The following LNPEP variants were observed in gnomAD, a reference collection of about 807,000 sequenced individuals.
LNPEP encodes the protein leucyl-cystinyl aminopeptidase.
In LNPEP, 64 loss-of-function variants were observed where a neutral mutation model predicts 120.6. That is an observed-to-expected ratio of 0.53 (90% confidence interval 0.43 to 0.65). The LOEUF (loss-of-function observed/expected upper bound fraction) is 0.65, where lower values mean the gene tolerates loss of function less well. Among genes scored for constraint, LNPEP ranks in the 30% least tolerant of loss-of-function variants. LNPEP has a pLI of 0.00. For missense variants in LNPEP, 1,057 were observed against 1,200.0 expected (o/e 0.88, Z 1.76); for synonymous variants, 435 against 425.4 (o/e 1.02, Z -0.28).
Position 97,028,521 on chromosome 5 carries a change from A to T in LNPEP, c.3066A>T (p.Thr1022=), listed in dbSNP as rs780948363. The T allele has an allele frequency of 1.2e-6, 2 of 1,613,718 alleles. No homozygotes were observed. The highest frequency in any genetic ancestry group is 1.3e-5 in the African/African-American group (1 of 74,934). ...TGGAGAAGAACCTCAAAAGTCTCAC[A>T]TGGTGGCTGTAGCATGCACAACCGC... ...QWMEKNLKSL[T]WWL The change falls in exon 18 of 18, where the codon ACA becomes ACT. Residue 1022 remains threonine (T), a synonymous_variant. Coordinates refer to ENST00000231368, the MANE Select transcript of LNPEP (RefSeq NM_005575.3).
rs374951180 is a variant in LNPEP at position 97,003,209 on chromosome 5, T to C, written c.1654-206T>C. Among the ~76,000 whole-genome samples, 3 of 152,346 alleles carry C rather than the reference T, an allele frequency of 2.0e-5. No homozygotes were observed. The East Asian group carries it at 5.8e-4, about 29-fold the overall frequency. Reference sequence around the variant, plus strand: ...GTGCACATGGGAATCTACTCATTAATTCTTTTTCAAATCCTTTAAAATAAT... The same window carrying C: ...GTGCACATGGGAATCTACTCATTAACTCTTTTTCAAATCCTTTAAAATAAT... On this transcript the variant is annotated intron_variant, in intron 8 of 17. Transcript: ENST00000231368.
chr5:96,954,768 A>ATTTTTTTTTTTTTTTTTTTTTTTTT (rs1581981619), intron 1 of LNPEP, among the ~76,000 whole-genome samples: 1 of 36,096 alleles, frequency 2.8e-5, no homozygotes, highest in Non-Finnish European at 6.1e-5. Context: ...ATATATATAT[A>ATTTTTTTTTTTTTTTTTTTTTTTTT]TATATTTTTT....
In LNPEP at chr5:97,028,340, G is replaced by A. The variant is rs551798967; in HGVS notation, c.2947-62G>A. The A allele has an allele frequency of 3.6e-5, 53 of 1,485,412 alleles. 1 individual carries two copies. In the Admixed American group the frequency reaches 4.2e-4, roughly 12 times the overall value. The allele number at this position is 1,485,412 out of a possible 1,614,324, so 92.0% of individuals were successfully genotyped here. A position where few individuals can be genotyped will look rare whatever the true frequency, so the allele number is the denominator to read the frequency against. The stretch of plus-strand genomic sequence containing the variant: ...TAAGTTAAAGCTTATTTTAAAAGCT[G>A]GGGTTACCTGAGGTTTATCGTCCTT... On this transcript the variant is annotated intron_variant, in intron 17 of 17. Coordinates refer to ENST00000231368, the MANE Select transcript of LNPEP (RefSeq NM_005575.3).
At chr5:96,995,281 T>C in intron 6 of LNPEP, among the ~76,000 whole-genome samples, 1 of 152,198 alleles carries the variant, frequency 6.6e-6, no homozygotes, top group East Asian at 1.9e-4. Context: ...AAAATGTTAT[T>C]GTAATTCTCA....
chr5:96,985,304 T>C (rs1303390776), intron 3 of LNPEP, 86 bp downstream of exon 3: 5 of 1,085,000 alleles, frequency 4.6e-6, no homozygotes, highest in East Asian at 5.0e-5. Context: ...CAGACTACAG[T>C]TGAGAATGAT....
intron 15 of LNPEP, among the ~76,000 whole-genome samples, chr5:97,025,122 T>A (rs1791309223): frequency 1.3e-5 from 2 of 152,134 alleles, no homozygotes; most frequent in Admixed American, 6.5e-5. Flanking sequence ...TTTTAATATG[T>A]AGTGATGAAG....
At position 97,032,258 on chromosome 5, in the gene LNPEP, A is replaced by G. The variant is rs1449057283; in HGVS notation, c.*3725A>G. ...AAGAGCTTCCTTCCCCCTTCATCCC[A>G]TTTGTATTTTTAAAAACTAAGTTAT... On this transcript the variant is annotated 3_prime_UTR_variant, in exon 18 of 18. Coordinates refer to ENST00000231368, the MANE Select transcript of LNPEP (RefSeq NM_005575.3). 1 of 151,986 alleles carries G rather than the reference A, an allele frequency of 6.6e-6. No individual in the cohort carries two copies. The highest frequency in any genetic ancestry group is 1.5e-5 in the Non-Finnish European group (1 of 67,982). 9.4% of individuals were successfully genotyped at this position (151,986 alleles called of 1,614,324 possible). A position where few individuals can be genotyped will look rare whatever the true frequency, so the allele number is the denominator to read the frequency against.
intron 15 of LNPEP, 36 bp downstream of exon 15, chr5:97,024,718 C>T: frequency 6.4e-7 from 1 of 1,566,264 alleles, no homozygotes; most frequent in Non-Finnish European, 8.7e-7. Flanking sequence ...ATACAGAAAC[C>T]AAAAGAATAC....
At chr5:97,018,180 A>T (rs1388288654) in intron 13 of LNPEP, among the ~76,000 whole-genome samples, 1 of 151,976 alleles carries the variant, frequency 6.6e-6, no homozygotes, top group Non-Finnish European at 1.5e-5. Flanking sequence ...AGTGCATATC[A>T]CTCACTTTTT....
Position 96,979,457 on chromosome 5 carries a change from C to G in LNPEP, c.339C>G (p.Val113=). The part of the protein sequence containing the change: ...CSVPSARTMV[V]CAFVIVVAVS... Reference sequence around the variant, plus strand: ...TACCCTCTGCAAGGACCATGGTGGTCTGTGCTTTTGTCATCGTGGTTGCTG... The same window carrying G: ...TACCCTCTGCAAGGACCATGGTGGTGTGTGCTTTTGTCATCGTGGTTGCTG... Residue 113 remains valine (V), a synonymous_variant, in exon 2 of 18, where the codon GTC becomes GTG. Coordinates refer to ENST00000231368, the MANE Select transcript of LNPEP (RefSeq NM_005575.3). 6 of 1,614,050 alleles carry G rather than the reference C, an allele frequency of 3.7e-6. No homozygotes were observed. Among genetic ancestry groups the G allele is most frequent in the Non-Finnish European group, 5.1e-6 (6 of 1,179,958 alleles).
intron 15 of LNPEP, 53 bp downstream of exon 15, chr5:97,024,735 T>G: frequency 6.6e-7 from 1 of 1,520,100 alleles, no homozygotes; most frequent in Non-Finnish European, 9.0e-7. Flanking sequence ...ATACAAACAC[T>G]GTGCTCTTGG....
intron 6 of LNPEP, among the ~76,000 whole-genome samples, chr5:96,994,923 C>T (rs760054596): frequency 2.0e-5 from 3 of 152,162 alleles, no homozygotes; most frequent in Non-Finnish European, 4.4e-5. Flanking sequence ...TCCTGGCCAA[C>T]ATGGTGAAAC....
At chr5:97,025,355 A>AT (rs1356817206) in intron 15 of LNPEP, among the ~76,000 whole-genome samples, 1 of 152,228 alleles carries the variant, frequency 6.6e-6, no homozygotes, top group African/African-American at 2.4e-5. Flanking sequence ...AAATCTTAAT[A>AT]GTGTCCCAGA....
intron 13 of LNPEP, among the ~76,000 whole-genome samples, chr5:97,017,980 C>T (rs38030): frequency 0.55 from 83,601 of 151,718 alleles, 23,118 homozygotes; most frequent in East Asian, 0.62. Context: ...CAGTGTTCTC[C>T]CTGTGTTTCT....
chr5:96,989,259 TATATATG>T lies in LNPEP; in HGVS notation c.1131+2596_1131+2602del, dbSNP rs1790315274. 3.5e-5 allele frequency among the ~76,000 whole-genome samples: 5 copies of T among 141,088 alleles called. No individual in the cohort carries two copies. The South Asian group carries it at 1.1e-3, about 30-fold the overall frequency. The allele number at this position is 141,088 out of a possible 152,430, so 92.6% of individuals were successfully genotyped here. ...TGTGTGTAAGTGTATAATATTTGTG[TATATATG>T]ATATATATATTATATAATATATAAT... On this transcript the variant is annotated intron_variant, in intron 4 of 17. Coordinates refer to ENST00000231368, the MANE Select transcript of LNPEP (RefSeq NM_005575.3).
rs560120753 is a variant in LNPEP at position 96,990,049 on chromosome 5, G to A, written c.1132-2966G>A. 2.0e-5 allele frequency among the ~76,000 whole-genome samples: 3 copies of A among 151,728 alleles called. No homozygotes were observed. The South Asian group carries it at 6.2e-4, about 32-fold the overall frequency. ...AGGTATGAGTGATGTTTCTATTGGG[G>A]TACCATCTTCTAGATTATTGAGGCA... On this transcript the variant is annotated intron_variant, in intron 4 of 17. Transcript: ENST00000231368.
In LNPEP at chr5:96,986,704, G is replaced by A. The variant is rs745496014; in HGVS notation, c.1131+34G>A. ...ATGTGGTAATTGTCTGAAAGCCTGT[G>A]TCACAAGAGGCTCAGAGGACCTCTT... On this transcript the variant is annotated intron_variant, in intron 4 of 17. Transcript: ENST00000231368. 1.8e-5 allele frequency: 29 copies of A among 1,607,524 alleles called. No homozygotes were observed. In the East Asian group the frequency reaches 5.4e-4, roughly 30 times the overall value.
intron 4 of LNPEP, among the ~76,000 whole-genome samples, chr5:96,988,110 C>G (rs1019296813): frequency 6.6e-6 from 1 of 151,804 alleles, no homozygotes; most frequent in African/African-American, 2.4e-5. Flanking sequence ...TGTATGCAGT[C>G]TTGGCATTTT....
At chr5:96,939,258 G>A (rs1369660590) in intron 1 of LNPEP, among the ~76,000 whole-genome samples, 1 of 147,340 alleles carries the variant, frequency 6.8e-6, no homozygotes, top group African/African-American at 2.5e-5. Flanking sequence ...CTGTTGCCCA[G>A]GCTGGAGTGC....
Sources: gnomAD v4.1 joint callset for allele counts (sites outside exome capture counted in the v4.1 genomes callset) on GRCh38, gnomAD v4.1.1 for gene constraint, MANE v1.5 for transcripts, NCBI Gene and HGNC (gene_info 2026-07-23, HGNC 2026-07-21) for gene names.